GALNT8: variants seen among roughly 807,000 people sequenced by gnomAD.
GALNT8 encodes the protein polypeptide N-acetylgalactosaminyltransferase 8, also known as probable polypeptide N-acetylgalactosaminyltransferase 8.
A neutral mutation model predicts 62.7 loss-of-function variants in GALNT8; 66 were observed. The ratio of observed to expected loss-of-function variants is 1.05; its 90% CI spans 0.86 to 1.29. The LOEUF (loss-of-function observed/expected upper bound fraction) is 1.29, where lower values mean the gene tolerates loss of function less well. Among genes scored for constraint, GALNT8 ranks in the 50% most tolerant of loss-of-function variants. The pLI is 0.00. For missense variants in GALNT8, 771 were observed against 791.8 expected (o/e 0.97, Z 0.32); for synonymous variants, 288 against 294.3 (o/e 0.98, Z 0.22).
intron 6 of GALNT8, among the ~76,000 whole-genome samples, chr12:4,758,159 T>C (rs977986622): frequency 2.6e-5 from 4 of 152,194 alleles, no homozygotes; most frequent in African/African-American, 4.8e-5. Flanking sequence ...GATCAAGCAG[T>C]TCTGCCCATA....
rs1946160297 is a variant in GALNT8, at chr12:4,720,414, C to T, written c.-264C>T. The T allele has an allele frequency of 2.1e-6, 1 of 483,934 alleles. No homozygotes were observed. The highest frequency in any genetic ancestry group is 3.3e-5 in the Admixed American group (1 of 30,028). The allele number at this position is 483,934 out of a possible 1,614,324, so 30.0% of individuals were successfully genotyped here. On this transcript the variant is annotated 5_prime_UTR_variant, in exon 1 of 11. Coordinates refer to ENST00000252318, the MANE Select transcript of GALNT8 (RefSeq NM_017417.2). ...TTCAAGGGAGTGTTATCTCCCTGAG[C>T]AACCTGTGGAAAGCCGCTGAGCAAC... is the stretch of plus-strand genomic sequence containing the variant.
At chr12:4,769,080 C>G (rs994370224) in intron 10 of GALNT8, among the ~76,000 whole-genome samples, 1 of 152,132 alleles carries the variant, frequency 6.6e-6, no homozygotes. Context: ...AGTTGAGGAG[C>G]ACAGCGTTAA....
chr12:4,725,289 T>A (rs1946189583), intron 1 of GALNT8, among the ~76,000 whole-genome samples: 1 of 152,184 alleles, frequency 6.6e-6, no homozygotes, highest in African/African-American at 2.4e-5. Flanking sequence ...AGCACAAATC[T>A]TACTGGGTGG....
intron 6 of GALNT8, 63 bp downstream of exon 6, chr12:4,746,321 G>T: frequency 1.1e-6 from 1 of 914,740 alleles, no homozygotes; most frequent in South Asian, 1.3e-5. Context: ...AAAGGTAGTA[G>T]GACCCCTGGA....
At chr12:4,757,740 G>A (rs1375707424) in intron 6 of GALNT8, among the ~76,000 whole-genome samples, 1 of 147,758 alleles carries the variant, frequency 6.8e-6, no homozygotes, top group African/African-American at 2.5e-5. Flanking sequence ...GTGCCCAGAT[G>A]TTTCTTCTAT....
In GALNT8 at chr12:4,744,657, G is replaced by T; in HGVS notation, c.817G>T (p.Val273Leu). Residue 273 changes from valine to leucine, a missense_variant, in exon 4 of 11, where the codon GTG (valine) becomes TTG (leucine). By Grantham distance (32) the Val-to-Leu change is conservative. Transcript: ENST00000252318. Reference protein sequence around the residue: ...NTGWEAATADVVAILDAHIEV... With the variant: ...NTGWEAATADLVAILDAHIEV... ...TGGCTGGGAAGCTGCCACAGCAGAC[G>T]TGGTCGCCATCTTGGATGCTCACAT... 3.7e-6 allele frequency: 6 copies of T among 1,613,522 alleles called. No homozygotes were observed. Among genetic ancestry groups the T allele is most frequent in the Non-Finnish European group, 5.1e-6 (6 of 1,179,798 alleles).
intron 6 of GALNT8, among the ~76,000 whole-genome samples, chr12:4,751,681 T>C (rs995888152): frequency 6.6e-6 from 1 of 152,196 alleles, no homozygotes; most frequent in African/African-American, 2.4e-5. Context: ...TAACATATGG[T>C]CTGTCCTTGA....
chr12:4,726,711 G>A lies in GALNT8; in HGVS notation c.391G>A (p.Asp131Asn). Reference protein sequence around the residue: ...HSQLFRQWGEDLSEAQQKAAQ... With the variant: ...HSQLFRQWGENLSEAQQKAAQ... Reference sequence around the variant, plus strand: ...ACAGCTTTTCAGGCAATGGGGCGAGGATCTTTCTGAGGCCCAGCAGAAGGC... The same window carrying A: ...ACAGCTTTTCAGGCAATGGGGCGAGAATCTTTCTGAGGCCCAGCAGAAGGC... The change falls in exon 2 of 11, where the codon GAT (aspartate) becomes AAT (asparagine). Residue 131 changes from aspartate (D) to asparagine (N), a missense_variant. By Grantham distance (23) the Asp-to-Asn change is conservative. Transcript: ENST00000252318. This position sits in a 1 kb window ranked among gnomAD's most constrained non-coding sequence, Gnocchi z 4.1. The A allele has an allele frequency of 6.2e-7, 1 of 1,614,070 alleles. No individual in the cohort carries two copies. Among genetic ancestry groups the A allele is most frequent in the Non-Finnish European group, 8.5e-7 (1 of 1,180,020 alleles).
At chr12:4,771,671 C>G (rs1591577369) in intron 10 of GALNT8, among the ~76,000 whole-genome samples, 1 of 152,054 alleles carries the variant, frequency 6.6e-6, no homozygotes, top group African/African-American at 2.4e-5. Flanking sequence ...AAGGAAAGAG[C>G]CTGACCCAGG....
At chr12:4,736,595 G>GA (rs59029291) in intron 2 of GALNT8, among the ~76,000 whole-genome samples, 4,351 of 108,444 alleles carry the variant, frequency 0.04, 96 homozygotes, top group African/African-American at 0.068. Flanking sequence ...GAAGAGAAAA[G>GA]AAAAAAAAAA....
intron 2 of GALNT8, among the ~76,000 whole-genome samples, chr12:4,728,791 A>T (rs1323296789): frequency 3.9e-5 from 6 of 152,178 alleles, no homozygotes; most frequent in Non-Finnish European, 8.8e-5. Context: ...TGAAAATGTG[A>T]ATCTTCCAAC....
intron 1 of GALNT8, among the ~76,000 whole-genome samples, chr12:4,721,906 G>T (rs1030369478): frequency 2.2e-4 from 34 of 152,172 alleles, no homozygotes; most frequent in Admixed American, 2.2e-3. Context: ...GTGGCCTTCC[G>T]CAGTGTTTTG....
chr12:4,739,706 T>C (rs1395025385), intron 3 of GALNT8, among the ~76,000 whole-genome samples: 1 of 150,272 alleles, frequency 6.7e-6, no homozygotes, highest in Admixed American at 6.7e-5. Flanking sequence ...GGTCTGTCAC[T>C]CAGGCTAGAG....
chr12:4,770,135 C>T (rs1946416464), intron 10 of GALNT8, among the ~76,000 whole-genome samples: 1 of 151,880 alleles, frequency 6.6e-6, no homozygotes, highest in Non-Finnish European at 1.5e-5. Flanking sequence ...AATCCTGTCT[C>T]TACTAAAAAT....
intron 2 of GALNT8, among the ~76,000 whole-genome samples, chr12:4,731,323 A>G (rs762696461): frequency 1.4e-4 from 21 of 152,066 alleles, no homozygotes; most frequent in Admixed American, 3.9e-4. Flanking sequence ...TAGTAAGGCT[A>G]CTGATTTTTG....
chr12:4,731,596 T>C (rs1042969339), intron 2 of GALNT8, among the ~76,000 whole-genome samples: 4 of 152,220 alleles, frequency 2.6e-5, no homozygotes, highest in Admixed American at 6.5e-5. Flanking sequence ...TTTTTCCTCA[T>C]TGAGTATGAT....
At chr12:4,756,988 G>T (rs7975978) in intron 6 of GALNT8, among the ~76,000 whole-genome samples, 58,640 of 152,038 alleles carry the variant, frequency 0.39, 11,575 homozygotes, top group Admixed American at 0.44. Context: ...TTCCCCAGGT[G>T]GTTCTCCTGA....
Position 4,763,304 on chromosome 12 carries a change from A to G in GALNT8, c.1411A>G (p.Lys471Glu), listed in dbSNP as rs764036229. 1 of 1,612,402 alleles carries G rather than the reference A, an allele frequency of 6.2e-7. No homozygotes were observed. The highest frequency in any genetic ancestry group is 8.5e-7 in the Non-Finnish European group (1 of 1,178,400). Residue 471 changes from lysine to glutamate, a missense_variant, in exon 8 of 11, where the codon AAA becomes GAA. By Grantham distance (56) the Lys-to-Glu change is moderately conservative (BLOSUM62 1). Coordinates refer to ENST00000252318, the MANE Select transcript of GALNT8 (RefSeq NM_017417.2). Reference sequence around the variant, plus strand: ...TTCTTCCAGAATGGCACTCCGGGAAAAACTGAAATGTAAAACTTTTGACTG... The same window carrying G: ...TTCTTCCAGAATGGCACTCCGGGAAGAACTGAAATGTAAAACTTTTGACTG... ...DVSSRMALREKLKCKTFDWYL... is the reference protein window; with the variant it reads ...DVSSRMALREELKCKTFDWYL...
chr12:4,772,514 G>GT lies in GALNT8; in HGVS notation c.1832dup (p.Leu612AlafsTer7). 2 of 1,613,784 alleles carry GT rather than the reference G, an allele frequency of 1.2e-6. No individual in the cohort carries two copies. Among genetic ancestry groups the GT allele is most frequent in the South Asian group, 2.2e-5 (2 of 91,072 alleles). Reference sequence around the variant, plus strand: ...GAAGAAGGATCTTTTGGGTAGCCACGTGCTTGTGCTCCAGACCTGTAGCAC... The same window carrying GT: ...GAAGAAGGATCTTTTGGGTAGCCACGTTGCTTGTGCTCCAGACCTGTAGCAC... On this transcript the variant is annotated frameshift_variant, in exon 11 of 11. Coordinates refer to ENST00000252318, the MANE Select transcript of GALNT8 (RefSeq NM_017417.2). LOFTEE classifies it low-confidence loss of function (END_TRUNC).
Sources: gnomAD v4.1 joint callset for allele counts (sites outside exome capture counted in the v4.1 genomes callset) on GRCh38, gnomAD v4.1.1 for gene constraint, Gnocchi (gnomAD v3.1) non-coding constraint, MANE v1.5 for transcripts, NCBI Gene and HGNC (gene_info 2026-07-23, HGNC 2026-07-21) for gene names.